The following LRRK1 variants were observed in gnomAD, a reference collection of about 807,000 sequenced individuals.
The protein encoded by LRRK1 is leucine-rich repeat serine/threonine-protein kinase 1.
A neutral mutation model predicts 209.1 loss-of-function variants in LRRK1; 113 were observed. The observed-to-expected ratio is 0.54, with a 90% CI of 0.46 to 0.63. The LOEUF (loss-of-function observed/expected upper bound fraction) is 0.63, where lower values mean the gene tolerates loss of function less well. Among genes scored for constraint, LRRK1 ranks in the 30% least tolerant of loss-of-function variants. The pLI is 0.00. For missense variants in LRRK1, 2,284 were observed against 2,632.2 expected, an observed-to-expected ratio of 0.87 and a Z score of 2.89; for synonymous variants, 1,144 against 1,099.7, an observed-to-expected ratio of 1.04 and a Z score of -0.80.
intron 13 of LRRK1, 22 bp downstream of exon 13, chr15:101,021,204 C>A: frequency 6.2e-7 from 1 of 1,613,476 alleles, no homozygotes; most frequent in Non-Finnish European, 8.5e-7. Context: ...TCTGGAGGGG[C>A]CGTGCTGGCT....
At chr15:100,923,461 C>T (rs1471508138) in intron 1 of LRRK1, among the ~76,000 whole-genome samples, 1 of 152,214 alleles carries the variant, frequency 6.6e-6, no homozygotes, top group African/African-American at 2.4e-5. Context: ...AGAACACAGA[C>T]AAGAGGTGCT....
At chr15:100,943,699 CTTT>C (rs869130536) in intron 2 of LRRK1, among the ~76,000 whole-genome samples, 1 of 134,868 alleles carries the variant, frequency 7.4e-6, no homozygotes, top group Non-Finnish European at 1.6e-5. Context: ...GTGATCGTAT[CTTT>C]TTTTTTTTTT....
At chr15:101,052,619 C>G (rs1347704056) in intron 24 of LRRK1, among the ~76,000 whole-genome samples, 1 of 152,210 alleles carries the variant, frequency 6.6e-6, no homozygotes, top group Admixed American at 6.5e-5. Flanking sequence ...AGAAAACTTC[C>G]AAAGGGGTCC....
rs2033943668 is a variant in LRRK1 at position 101,024,738 on chromosome 15, C to T, written c.2068-65C>T. The T allele has an allele frequency of 1.1e-5, 17 of 1,538,308 alleles. No homozygotes were observed. The Admixed American group carries it at 1.4e-4, about 13-fold the overall frequency. On this transcript the variant is annotated intron_variant, in intron 15 of 33. Transcript: ENST00000388948. The surrounding 1 kb of genome is among the most constrained non-coding windows in gnomAD (Gnocchi z 4.6). ...AGCCTCCAGAGTTATCCGTTGTCTC[C>T]GTTTGATTGACTGAAGCCTTTGTCT...
At chr15:101,033,925 ATC>A in intron 20 of LRRK1, among the ~76,000 whole-genome samples, 1 of 152,226 alleles carries the variant, frequency 6.6e-6, no homozygotes, top group Admixed American at 6.5e-5. Flanking sequence ...CCTCACCAGC[ATC>A]TGTTATTTTT....
chr15:100,989,686 G>A (rs2032053950), intron 6 of LRRK1: 3 of 557,054 alleles, frequency 5.4e-6, no homozygotes, highest in Admixed American at 3.3e-5. Flanking sequence ...ATCCATTTAT[G>A]AGGGTGGGGC....
chr15:101,010,597 T>G lies in LRRK1; in HGVS notation c.1117+20T>G, dbSNP rs988162235. 2 of 1,608,058 alleles carry G rather than the reference T, an allele frequency of 1.2e-6. No individual in the cohort carries two copies. The highest frequency in any genetic ancestry group is 2.7e-5 in the African/African-American group (2 of 74,572). On this transcript the variant is annotated intron_variant, in intron 8 of 33. Transcript: ENST00000388948. ...AAAATGGTATGTTTTCTCATCAACTTGAGTGAATTAGTCATTTTCTTCTTG... is the reference window on the plus strand; with the variant it reads ...AAAATGGTATGTTTTCTCATCAACTGGAGTGAATTAGTCATTTTCTTCTTG...
In LRRK1 at chr15:101,027,391, T is replaced by G; in HGVS notation, c.2526+10T>G. Reference sequence around the variant, plus strand: ...ACTGGCAGGGCGGCTGGTGGGTACCTTGCTGGTCCAGTTTAAACCAGTCTG... The same window carrying G: ...ACTGGCAGGGCGGCTGGTGGGTACCGTGCTGGTCCAGTTTAAACCAGTCTG... On this transcript the variant is annotated intron_variant, in intron 18 of 33. Coordinates refer to ENST00000388948, the MANE Select transcript of LRRK1 (RefSeq NM_024652.6). The surrounding 1 kb of genome is among the most constrained non-coding windows in gnomAD (Gnocchi z 5.1). 1 of 1,612,304 alleles carries G rather than the reference T, an allele frequency of 6.2e-7. No homozygotes were observed. The highest frequency in any genetic ancestry group is 1.1e-5 in the South Asian group (1 of 90,976).
At chr15:100,986,853 T>G (rs1338515271) in intron 4 of LRRK1, among the ~76,000 whole-genome samples, 1 of 152,190 alleles carries the variant, frequency 6.6e-6, no homozygotes, top group Non-Finnish European at 1.5e-5. Context: ...TTCCAAACTT[T>G]CAGAAGGTTT....
At chr15:100,962,594 G>A (rs2030068369) in intron 2 of LRRK1, among the ~76,000 whole-genome samples, 1 of 151,228 alleles carries the variant, frequency 6.6e-6, no homozygotes, top group Non-Finnish European at 1.5e-5. Flanking sequence ...GACGGCTACT[G>A]TAATTTTTGT....
Position 101,052,956 on chromosome 15 carries a change from G to C in LRRK1, c.3724G>C (p.Glu1242Gln). Residue 1242 changes from glutamate to glutamine, a missense_variant, in exon 25 of 34, where the codon GAG becomes CAG. Physicochemically the swap from Glu to Gln is conservative, Grantham distance 29. Coordinates refer to ENST00000388948, the MANE Select transcript of LRRK1 (RefSeq NM_024652.6). ...FLENSKLEHS[E>Q]DEGSVLGQGG... ...GGAGAACAGCAAGCTGGAGCACAGC[G>C]AGGACGAGGGCAGCGTCCTGGGCCA... The C allele has an allele frequency of 6.2e-7, 1 of 1,611,328 alleles. No individual in the cohort carries two copies. Among genetic ancestry groups the C allele is most frequent in the East Asian group, 2.2e-5 (1 of 44,780 alleles).
chr15:101,021,775 CGTGTGTGTGTGTGTGTGT>C (rs3031683), intron 13 of LRRK1, 52 bp from the exon 14 acceptor site: 164 of 856,756 alleles, frequency 1.9e-4, no homozygotes, highest in East Asian at 8.6e-4. Flanking sequence ...CACGTGTGTG[CGTGTGTGTGTGTGTGTGT>C]GTGTGTGTGT....
intron 2 of LRRK1, among the ~76,000 whole-genome samples, chr15:100,938,701 G>A (rs1048935367): frequency 3.3e-5 from 5 of 151,936 alleles, no homozygotes; most frequent in African/African-American, 7.3e-5. Context: ...TTTAACATAC[G>A]TTTAAATGTA....
rs1453561107 is a variant in LRRK1, at chr15:101,012,898, C to T, written c.1419+753C>T. The stretch of plus-strand genomic sequence containing the variant: ...GAAGAAAGGAGCCACGCGGGGTGCC[C>T]CCGGGGGGGGGTGGTCCCACATCAT... On this transcript the variant is annotated intron_variant, in intron 10 of 33. Coordinates refer to ENST00000388948, the MANE Select transcript of LRRK1 (RefSeq NM_024652.6). Among the ~76,000 whole-genome samples, 14 of 150,448 alleles carry T rather than the reference C, an allele frequency of 9.3e-5. No homozygotes were observed. The East Asian group carries it at 2.2e-3, about 24-fold the overall frequency.
intron 20 of LRRK1, among the ~76,000 whole-genome samples, chr15:101,030,539 C>T (rs1217649943): frequency 1.3e-5 from 2 of 152,144 alleles, no homozygotes; most frequent in Non-Finnish European, 2.9e-5. Context: ...GCCTTCTCTC[C>T]TCTGCTGTGT....
At chr15:100,941,414 G>GTGTGTGTCTGTGTGTGTCTC (rs1567191015) in intron 2 of LRRK1, among the ~76,000 whole-genome samples, 1 of 71,240 alleles carries the variant, frequency 1.4e-5, no homozygotes, top group African/African-American at 9.7e-5. Context: ...GTGTGTCTCT[G>GTGTGTGTCTGTGTGTGTCTC]TGTGTGTGTG....
chr15:101,029,291 G>C lies in LRRK1; in HGVS notation c.2963+59G>C, dbSNP rs544187026. 1,648 of 1,510,320 alleles carry C rather than the reference G, an allele frequency of 1.1e-3. 2 individuals carry two copies. Among genetic ancestry groups the C allele is most frequent in the Non-Finnish European group, 1.4e-3 (1,568 of 1,118,210 alleles). The allele number at this position is 1,510,320 out of a possible 1,614,324, so 93.6% of individuals were successfully genotyped here. A position where few individuals can be genotyped will look rare whatever the true frequency, so the allele number is the denominator to read the frequency against. The stretch of plus-strand genomic sequence containing the variant: ...GGTTGCTCCCCGAAAGAGGGAGTTG[G>C]GGTCTGGAGCCACTGGTGGCCTGAA... On this transcript the variant is annotated intron_variant, in intron 20 of 33. Transcript: ENST00000388948.
intron 20 of LRRK1, among the ~76,000 whole-genome samples, chr15:101,037,947 T>G (rs1384190996): frequency 1.3e-5 from 2 of 152,170 alleles, no homozygotes; most frequent in Non-Finnish European, 2.9e-5. Flanking sequence ...CAATTCCTAA[T>G]TGCAAAAATA....
intron 12 of LRRK1, among the ~76,000 whole-genome samples, chr15:101,016,429 G>A (rs925365370): frequency 1.4e-4 from 21 of 150,632 alleles, no homozygotes; most frequent in African/African-American, 5.1e-4. Context: ...CAAGTGATCC[G>A]CCTGCCTCAG....
Sources: allele counts gnomAD v4.1 joint callset (sites outside exome capture counted in the v4.1 genomes callset), GRCh38; gene constraint gnomAD v4.1.1; non-coding constraint Gnocchi (gnomAD v3.1); transcripts MANE v1.5; gene names NCBI Gene and HGNC (gene_info 2026-07-23, HGNC 2026-07-21).